The following DMD variants were observed in gnomAD, a reference collection of about 807,000 sequenced individuals.
The protein encoded by DMD is dystrophin, also known as mutant dystrophin.
Under a neutral mutation model 330.1 loss-of-function variants are expected in DMD, and 63 were observed. The observed-to-expected ratio is 0.19, with a 90% CI of 0.16 to 0.24. The LOEUF (loss-of-function observed/expected upper bound fraction) is 0.24. DMD is among the 10% of genes least tolerant of loss of function. DMD has a pLI of 1.00. For synonymous variants in DMD, 1,223 were observed against 959.8 expected (o/e 1.27, Z -5.07); for missense variants, 3,344 against 2,684.1 (o/e 1.25, Z -5.43).
chrX:33,140,898 A>T (rs1427606639), intron 1 of DMD, among the ~76,000 whole-genome samples: 2 of 111,986 alleles, frequency 1.8e-5, no homozygotes, highest in East Asian at 5.6e-4. Context: ...CCAAGTTATG[A>T]TTTTTTTAGT....
chrX:32,507,596 C>A (rs2044757776), intron 18 of DMD, among the ~76,000 whole-genome samples: 1 of 111,500 alleles, frequency 9.0e-6, no homozygotes, highest in Admixed American at 9.5e-5. Context: ...ACAACCACCA[C>A]AACTACAACA....
rs1203163071 is a variant in DMD, at chrX:31,332,760, G to A, written c.9164-9102C>T. ...TAAAGGTTGGTGTGAGGATTAAACG[G>A]GTTAATCTATGCAAAATGCTTCCTC... On this transcript the variant is annotated intron_variant, in intron 61 of 78. Coordinates refer to ENST00000357033, the MANE Select transcript of DMD (RefSeq NM_004006.3). Among the ~76,000 whole-genome samples, 3 of 112,020 alleles carry A rather than the reference G, an allele frequency of 2.7e-5. No homozygotes were observed. The East Asian group carries it at 8.3e-4, about 31-fold the overall frequency.
Position 31,989,353 on chromosome X carries a change from TA to T in DMD, c.6439-20840del, listed in dbSNP as rs778621686. On this transcript the variant is annotated intron_variant, in intron 44 of 78. Transcript: ENST00000357033. ...GTTAAATTGATAGACTTGAGATTTT[TA>T]ATAACAATCGGTTCCAAATTCTAGC... Among the ~76,000 whole-genome samples, 15 of 112,541 alleles carry T rather than the reference TA, an allele frequency of 1.3e-4. No homozygotes were observed. The South Asian group carries it at 1.8e-3, about 14-fold the overall frequency.
In DMD at chrX:31,968,404, T is replaced by C. The variant is rs2095369871; in HGVS notation, c.6549A>G (p.Glu2183=). ...ACCGCAGATTCAGGCTTCCCAATTT[T>C]TCCTGTAGAATACTGGCATCTGTTT... is the stretch of plus-strand genomic sequence containing the variant. ...SSKTDASILQ[E]KLGSLNLRWQ... is the part of the protein sequence containing the mutation. Residue 2183 remains glutamate, a synonymous_variant, in exon 45 of 79, where the codon GAA becomes GAG. Coordinates refer to ENST00000357033, the MANE Select transcript of DMD (RefSeq NM_004006.3). The C allele has an allele frequency of 3.3e-6, 4 of 1,209,237 alleles. No individual in the cohort carries two copies. The African/African-American group carries it at 5.3e-5, about 16-fold the overall frequency.
chrX:32,966,208 A>G (rs2092146448), intron 2 of DMD, among the ~76,000 whole-genome samples: 1 of 112,050 alleles, frequency 8.9e-6, no homozygotes, highest in Non-Finnish European at 1.9e-5. Flanking sequence ...TAATAACTTA[A>G]AACTCTCCAT....
At chrX:32,061,127 G>A (rs1320726077) in intron 44 of DMD, among the ~76,000 whole-genome samples, 2 of 110,938 alleles carry the variant, frequency 1.8e-5, no homozygotes, top group African/African-American at 6.5e-5. Flanking sequence ...CATAACCCCA[G>A]GCCAGGGCAG....
At chrX:31,781,556 A>G (rs1222951551) in intron 50 of DMD, among the ~76,000 whole-genome samples, 1 of 111,935 alleles carries the variant, frequency 8.9e-6, no homozygotes. Flanking sequence ...ACCTGACTTT[A>G]AACATATCCT....
chrX:32,670,957 AATATAC>A (rs778740271), intron 9 of DMD, among the ~76,000 whole-genome samples: 2 of 111,082 alleles, frequency 1.8e-5, no homozygotes, highest in South Asian at 3.9e-4. Context: ...GTGGGAGAAT[AATATAC>A]ATATAAAGTA....
At chrX:33,145,067 A>G (rs886478845) in intron 1 of DMD, among the ~76,000 whole-genome samples, 1 of 112,103 alleles carries the variant, frequency 8.9e-6, no homozygotes, top group Non-Finnish European at 1.9e-5. Context: ...AATATTTTTT[A>G]TATACCAACC....
chrX:33,171,622 T>A (rs1037791016), intron 1 of DMD, among the ~76,000 whole-genome samples: 3 of 111,518 alleles, frequency 2.7e-5, no homozygotes, highest in African/African-American at 6.5e-5. Context: ...CCCTCACAGA[T>A]CCCTCAGGTA....
chrX:31,428,129 C>T (rs755396746), intron 60 of DMD, among the ~76,000 whole-genome samples: 309 of 111,708 alleles, frequency 2.8e-3, no homozygotes, highest in African/African-American at 9.3e-3. Flanking sequence ...ATGTTTGTTC[C>T]CTTCAAATCT....
intron 2 of DMD, among the ~76,000 whole-genome samples, chrX:32,865,534 T>C (rs764413816): frequency 4.5e-5 from 5 of 111,971 alleles, no homozygotes; most frequent in African/African-American, 6.5e-5. Flanking sequence ...AAGCCACTTC[T>C]TGGAACGTAA....
At chrX:32,036,535 G>T (rs2095948154) in intron 44 of DMD, among the ~76,000 whole-genome samples, 1 of 111,776 alleles carries the variant, frequency 8.9e-6, no homozygotes, top group Non-Finnish European at 1.9e-5. Context: ...GGGAGCCAGG[G>T]AGGAGAAGCA....
At chrX:33,010,296 A>C (rs1461192026) in intron 2 of DMD, among the ~76,000 whole-genome samples, 1 of 96,263 alleles carries the variant, frequency 1.0e-5, no homozygotes, top group African/African-American at 3.6e-5. Flanking sequence ...GTGTGTAAAT[A>C]TGTATATATG....
chrX:33,256,098 G>T (rs1329153679), intron 1 of DMD, among the ~76,000 whole-genome samples: 1 of 111,055 alleles, frequency 9.0e-6, no homozygotes, highest in African/African-American at 3.2e-5. Flanking sequence ...TTACAATCAA[G>T]AAAGTCTTTA....
At chrX:33,170,078 C>T (rs1210613906) in intron 1 of DMD, among the ~76,000 whole-genome samples, 4 of 111,071 alleles carry the variant, frequency 3.6e-5, no homozygotes, top group South Asian at 3.8e-4. Flanking sequence ...CATGAGGTTC[C>T]GCTCTCACAA....
In DMD at chrX:32,240,344, A is replaced by G. The variant is rs190771523; in HGVS notation, c.6291-23281T>C. On this transcript the variant is annotated intron_variant, in intron 43 of 78. Transcript: ENST00000357033. ...GTAATTAGGTCATAAGGCCAAAGCC[A>G]TCCAGAATGAGAATAGTACCCTTAC... 4.1e-3 allele frequency among the ~76,000 whole-genome samples: 457 copies of G among 111,462 alleles called. 1 individual carries two copies. Among genetic ancestry groups the G allele is most frequent in the African/African-American group, 0.014 (429 of 30,671 alleles).
intron 42 of DMD, 94 bp downstream of exon 42, chrX:32,309,988 T>C: frequency 1.2e-6 from 1 of 808,097 alleles, no homozygotes; most frequent in Non-Finnish European, 1.8e-6. Context: ...CAAAATGCCA[T>C]CATGATGCAT....
At chrX:31,638,147 T>C (rs1365826805) in intron 54 of DMD, among the ~76,000 whole-genome samples, 1 of 112,022 alleles carries the variant, frequency 8.9e-6, no homozygotes, top group African/African-American at 3.2e-5. Flanking sequence ...ATTAAAGAAA[T>C]AGACAGCATA....
Sources: gnomAD v4.1 joint callset for allele counts (sites outside exome capture counted in the v4.1 genomes callset) on GRCh38, gnomAD v4.1.1 for gene constraint, MANE v1.5 for transcripts, NCBI Gene and HGNC (gene_info 2026-07-23, HGNC 2026-07-21) for gene names.